The following NEO1 variants were observed in gnomAD, a reference collection of about 807,000 sequenced individuals.
The protein encoded by NEO1 is neogenin 1.
Under a neutral mutation model 159.7 loss-of-function variants are expected in NEO1, and 63 were observed. The ratio of observed to expected loss-of-function variants is 0.39; its 90% CI spans 0.32 to 0.49. NEO1 has a LOEUF of 0.49. NEO1 is among the 20% of genes least tolerant of loss of function. NEO1 has a pLI of 0.85. For missense variants in NEO1, 1,615 were observed against 1,831.0 expected, an observed-to-expected ratio of 0.88 and a Z score of 2.15; for synonymous variants, 633 against 662.0, an observed-to-expected ratio of 0.96 and a Z score of 0.67.
chr15:73,265,933 T>C (rs960564358), intron 15 of NEO1, among the ~76,000 whole-genome samples: 3 of 152,244 alleles, frequency 2.0e-5, no homozygotes, highest in East Asian at 1.9e-4. Context: ...TTCCCATCGC[T>C]GTCCTTCCAG....
At chr15:73,211,669 C>T (rs773518575) in intron 7 of NEO1, among the ~76,000 whole-genome samples, 13 of 152,112 alleles carry the variant, frequency 8.5e-5, no homozygotes, top group Non-Finnish European at 1.2e-4. Context: ...GAGCCGAGAT[C>T]GCGCCACTGC....
rs138510185 is a variant in NEO1, at chr15:73,303,014, G to A, written c.*318G>A. 280 of 289,506 alleles carry A rather than the reference G, an allele frequency of 9.7e-4. 3 individuals carry two copies. In the East Asian group the frequency reaches 0.014, roughly 15 times the overall value. The allele number at this position is 289,506 out of a possible 1,614,324, so 17.9% of individuals were successfully genotyped here. On this transcript the variant is annotated 3_prime_UTR_variant, in exon 29 of 29. Coordinates refer to ENST00000261908, the MANE Select transcript of NEO1 (RefSeq NM_002499.4). The stretch of plus-strand genomic sequence containing the variant: ...CTGCATTTCACTTTGTGGTCAGGCC[G>A]TGTCTTTGTGCTGTGACTGCATCAC...
At chr15:73,280,168 C>T (rs574544937) in intron 22 of NEO1, among the ~76,000 whole-genome samples, 108 of 152,126 alleles carry the variant, frequency 7.1e-4, no homozygotes, top group African/African-American at 2.3e-3. Flanking sequence ...CACGTGTAAT[C>T]CCAGCTACTC....
intron 7 of NEO1, among the ~76,000 whole-genome samples, chr15:73,220,088 T>C (rs2038147134): frequency 6.6e-6 from 1 of 152,212 alleles, no homozygotes; most frequent in Non-Finnish European, 1.5e-5. Context: ...TGTTTAGTGC[T>C]TCCTTCAGGA....
At chr15:73,074,179 C>T (rs1372455554) in intron 1 of NEO1, among the ~76,000 whole-genome samples, 1 of 152,156 alleles carries the variant, frequency 6.6e-6, no homozygotes, top group African/African-American at 2.4e-5. Context: ...AAGGTATCAG[C>T]TCAGGCATAG....
rs553190667 is a variant in NEO1 at position 73,239,083 on chromosome 15, A to G, written c.1451+2577A>G. On this transcript the variant is annotated intron_variant, in intron 8 of 28. Transcript: ENST00000261908. ...AGGCTGGTATCGGACTCCTGACCTC[A>G]GGCGATCCACTTCAGCCTCCCAAAG... is the stretch of plus-strand genomic sequence containing the variant. Among the ~76,000 whole-genome samples, 239 of 152,226 alleles carry G rather than the reference A, an allele frequency of 1.6e-3. 1 individual carries two copies. Among genetic ancestry groups the G allele is most frequent in the Admixed American group, 0.014 (209 of 15,294 alleles).
chr15:73,132,749 A>G (rs1232170823), intron 4 of NEO1, among the ~76,000 whole-genome samples: 1 of 152,224 alleles, frequency 6.6e-6, no homozygotes, highest in Non-Finnish European at 1.5e-5. Flanking sequence ...TTCTCAAAAG[A>G]AGATATACAA....
rs187982565 is a variant in NEO1, at chr15:73,105,821, G to A, written c.131-10719G>A. 4.6e-5 allele frequency among the ~76,000 whole-genome samples: 7 copies of A among 152,274 alleles called. No homozygotes were observed. The East Asian group carries it at 9.6e-4, about 21-fold the overall frequency. On this transcript the variant is annotated intron_variant, in intron 1 of 28. Coordinates refer to ENST00000261908, the MANE Select transcript of NEO1 (RefSeq NM_002499.4). ...GCTGCTTATTGCATCTCATCAGGAT[G>A]TTTATGAAGCCAGGTTGTCCCACTA... is the stretch of plus-strand genomic sequence containing the variant.
intron 11 of NEO1, among the ~76,000 whole-genome samples, chr15:73,251,707 T>C (rs2040081558): frequency 6.6e-6 from 1 of 152,160 alleles, no homozygotes; most frequent in Non-Finnish European, 1.5e-5. Flanking sequence ...GCATGTTGAC[T>C]ACAGTACCTG....
intron 1 of NEO1, among the ~76,000 whole-genome samples, chr15:73,093,983 A>G (rs948001537): frequency 2.0e-4 from 31 of 152,142 alleles, no homozygotes; most frequent in African/African-American, 7.5e-4. Flanking sequence ...GCACTACAAC[A>G]TGCTCCAGAC....
At chr15:73,247,098 T>C (rs1212467240) in intron 9 of NEO1, among the ~76,000 whole-genome samples, 1 of 152,158 alleles carries the variant, frequency 6.6e-6, no homozygotes, top group Non-Finnish European at 1.5e-5. Flanking sequence ...AGAATGTAGG[T>C]AGAAAAGGCA....
At chr15:73,281,201 C>CAAA (rs35808353) in intron 22 of NEO1, among the ~76,000 whole-genome samples, 15 of 118,612 alleles carry the variant, frequency 1.3e-4, no homozygotes, top group South Asian at 2.9e-4. Context: ...GAGCGAGACT[C>CAAA]AAAAAAAAAA....
At chr15:73,221,051 G>A (rs999966795) in intron 7 of NEO1, among the ~76,000 whole-genome samples, 2 of 152,102 alleles carry the variant, frequency 1.3e-5, no homozygotes, top group African/African-American at 2.4e-5. Flanking sequence ...CCCCATCTTT[G>A]TGGTTTTATC....
chr15:73,187,167 T>G (rs1008820924), intron 7 of NEO1, among the ~76,000 whole-genome samples: 3 of 152,216 alleles, frequency 2.0e-5, no homozygotes, highest in African/African-American at 7.2e-5. Context: ...ATAACAACTA[T>G]TACAAAATAT....
chr15:73,138,828 A>G (rs961183033), intron 5 of NEO1, among the ~76,000 whole-genome samples: 7 of 152,050 alleles, frequency 4.6e-5, no homozygotes, highest in East Asian at 1.9e-4. Context: ...TTCTTTGACT[A>G]TCCTTCTATA....
At chr15:73,187,201 A>G (rs1265217603) in intron 7 of NEO1, among the ~76,000 whole-genome samples, 2 of 152,118 alleles carry the variant, frequency 1.3e-5, no homozygotes, top group Admixed American at 6.5e-5. Context: ...AATTCACTCC[A>G]TTATTTTTCT....
intron 22 of NEO1, among the ~76,000 whole-genome samples, chr15:73,282,054 C>T (rs781074935): frequency 6.6e-6 from 1 of 152,200 alleles, no homozygotes; most frequent in Non-Finnish European, 1.5e-5. Context: ...ACTTGCATCT[C>T]TCTGCTTAAA....
chr15:73,227,305 G>A (rs1392663456), intron 7 of NEO1, among the ~76,000 whole-genome samples: 2 of 152,148 alleles, frequency 1.3e-5, no homozygotes, highest in African/African-American at 2.4e-5. Flanking sequence ...AGACCAGCCT[G>A]ACCAACATGG....
At chr15:73,062,099 G>C (rs1165866113) in intron 1 of NEO1, among the ~76,000 whole-genome samples, 1 of 152,098 alleles carries the variant, frequency 6.6e-6, no homozygotes, top group Non-Finnish European at 1.5e-5. Flanking sequence ...TTTCCAAATT[G>C]TTTACTAAAC....
Sources: gnomAD v4.1 joint callset for allele counts (sites outside exome capture counted in the v4.1 genomes callset) on GRCh38, gnomAD v4.1.1 for gene constraint, MANE v1.5 for transcripts, NCBI Gene and HGNC (gene_info 2026-07-23, HGNC 2026-07-21) for gene names.